Variants in CAMK1D observed in about 807,000 individuals in gnomAD.
CAMK1D encodes calcium/calmodulin-dependent protein kinase type 1D.
CAMK1D carries 9 observed loss-of-function variants against 47.7 expected under a neutral mutation model. That is an observed-to-expected ratio of 0.19 (90% confidence interval 0.11 to 0.33). CAMK1D has a LOEUF of 0.33. CAMK1D is among the 10% of genes least tolerant of loss of function. The probability of loss-of-function intolerance (pLI) is 1.00; values close to 1 mark genes in which losing one functional copy is unlikely to be tolerated. For missense variants in CAMK1D, 291 were observed against 488.7 expected, an observed-to-expected ratio of 0.60 and a Z score of 3.81; for synonymous variants, 184 against 184.9, an observed-to-expected ratio of 0.99 and a Z score of 0.04.
chr10:12,562,995 A>G (rs1231985792), intron 2 of CAMK1D, among the ~76,000 whole-genome samples: 1 of 152,256 alleles, frequency 6.6e-6, no homozygotes, highest in Non-Finnish European at 1.5e-5. Flanking sequence ...CCAAAGAAAC[A>G]GAAGCAATAG....
At chr10:12,422,561 G>A (rs2131970369) in intron 1 of CAMK1D, among the ~76,000 whole-genome samples, 1 of 152,286 alleles carries the variant, frequency 6.6e-6, no homozygotes, top group Admixed American at 6.5e-5. Flanking sequence ...AAGAGGCCTA[G>A]AGCTCTCCCC....
chr10:12,628,769 C>G (rs1442803971), intron 2 of CAMK1D, among the ~76,000 whole-genome samples: 2 of 152,146 alleles, frequency 1.3e-5, no homozygotes, highest in Non-Finnish European at 2.9e-5. Context: ...ATCCTGTTTT[C>G]CACCTGTTCT....
At chr10:12,814,608 C>G (rs1832728190) in intron 7 of CAMK1D, among the ~76,000 whole-genome samples, 1 of 152,172 alleles carries the variant, frequency 6.6e-6, no homozygotes, top group African/African-American at 2.4e-5. Context: ...TCACCATGTC[C>G]TCACATGGCA....
At chr10:12,623,451 T>C (rs796776602) in intron 2 of CAMK1D, among the ~76,000 whole-genome samples, 6,532 of 8,754 alleles carry the variant, frequency 0.75, 2,959 homozygotes, top group Non-Finnish European at 0.84. Context: ...TTTCCTTCCT[T>C]CCTCCCTCCC....
At chr10:12,691,400 TATAAATATATATATATATATA>T (rs1293981168) in intron 3 of CAMK1D, among the ~76,000 whole-genome samples, 79 of 7,536 alleles carry the variant, frequency 0.01, no homozygotes, top group African/African-American at 0.02. Flanking sequence ...TATATATATA[TATAAATATATATATATATATA>T]TTTTTTTTTT....
chr10:12,820,194 C>A (rs925062193), intron 8 of CAMK1D, among the ~76,000 whole-genome samples: 6 of 152,192 alleles, frequency 3.9e-5, no homozygotes, highest in African/African-American at 1.4e-4. Context: ...TGTCCACCAC[C>A]ACATCCAGCT....
At chr10:12,716,801 G>GTGTT (rs1224575069) in intron 3 of CAMK1D, among the ~76,000 whole-genome samples, 3 of 152,092 alleles carry the variant, frequency 2.0e-5, no homozygotes, top group Non-Finnish European at 4.4e-5. Flanking sequence ...GCTTAGCGTG[G>GTGTT]TGTTCACTGC....
At chr10:12,795,816 T>G (rs1287099043) in intron 6 of CAMK1D, among the ~76,000 whole-genome samples, 2 of 152,230 alleles carry the variant, frequency 1.3e-5, no homozygotes, top group Non-Finnish European at 2.9e-5. Context: ...ACCCATGTGA[T>G]GAGTTCTTAT....
chr10:12,537,930 C>A (rs906962071), intron 1 of CAMK1D, among the ~76,000 whole-genome samples: 1 of 152,030 alleles, frequency 6.6e-6, no homozygotes, highest in African/African-American at 2.4e-5. Flanking sequence ...TTCAAGGAAC[C>A]CAGATTATCT....
chr10:12,824,524 G>A lies in CAMK1D; in HGVS notation c.893G>A (p.Arg298Gln), dbSNP rs201893185. Residue 298 changes from arginine to glutamine, a missense_variant, in exon 9 of 11, where the codon CGG becomes CAG. Arg to Gln is a conservative substitution (Grantham distance 43, BLOSUM62 1). This residue lies in a region of CAMK1D where 219 missense variants were observed against 424.3 expected (regional missense o/e 0.52). Transcript: ENST00000619168. ...CACGAGTCCGTCAGCGCCCAGATCC[G>A]GAAAAACTTTGCCAAGAGCAAATGG... is the stretch of plus-strand genomic sequence containing the variant. Reference protein sequence around the residue: ...NIHESVSAQIRKNFAKSKWRQ... With the variant: ...NIHESVSAQIQKNFAKSKWRQ... 16 of 1,613,932 alleles carry A rather than the reference G, an allele frequency of 9.9e-6. No homozygotes were observed. Among genetic ancestry groups the A allele is most frequent in the East Asian group, 4.5e-5 (2 of 44,892 alleles).
At chr10:12,735,345 G>T (rs1430015019) in intron 3 of CAMK1D, among the ~76,000 whole-genome samples, 1 of 152,190 alleles carries the variant, frequency 6.6e-6, no homozygotes, top group African/African-American at 2.4e-5. Context: ...GGGCGTGGTG[G>T]CGGGCGCCTG....
chr10:12,629,206 T>C (rs1839309378), intron 2 of CAMK1D, among the ~76,000 whole-genome samples: 1 of 152,184 alleles, frequency 6.6e-6, no homozygotes, highest in Non-Finnish European at 1.5e-5. Context: ...TATGCAGTAA[T>C]CTTCTTAGAG....
chr10:12,638,187 C>T (rs1011275934), intron 2 of CAMK1D, among the ~76,000 whole-genome samples: 8 of 152,162 alleles, frequency 5.3e-5, no homozygotes, highest in African/African-American at 1.9e-4. Flanking sequence ...TGGGAGGGGC[C>T]AGGCTTCTAG....
chr10:12,405,670 A>T (rs1179658763), intron 1 of CAMK1D, among the ~76,000 whole-genome samples: 1 of 152,248 alleles, frequency 6.6e-6, no homozygotes, highest in East Asian at 1.9e-4. Flanking sequence ...GACAGTCAAC[A>T]GGGTTAGACC....
intron 2 of CAMK1D, among the ~76,000 whole-genome samples, chr10:12,632,755 C>G (rs1839416712): frequency 6.6e-6 from 1 of 152,072 alleles, no homozygotes. Flanking sequence ...ACTGCAGTGG[C>G]ATGATCTCGG....
chr10:12,445,462 G>T (rs1832898956), intron 1 of CAMK1D, among the ~76,000 whole-genome samples: 1 of 152,196 alleles, frequency 6.6e-6, no homozygotes, highest in African/African-American at 2.4e-5. Context: ...ACAGGCCATT[G>T]TCCTGTTTGC....
At chr10:12,367,128 A>T (rs1329934207) in intron 1 of CAMK1D, among the ~76,000 whole-genome samples, 1 of 152,160 alleles carries the variant, frequency 6.6e-6, no homozygotes, top group Non-Finnish European at 1.5e-5. Flanking sequence ...GAAAAAGGGG[A>T]TAAAAAATAT....
In CAMK1D at chr10:12,558,397, T is replaced by C. The variant is rs1836831713; in HGVS notation, c.224+5041T>C. ...GGTGAAACCCCATCTCTATTCAAAC[T>C]ACAAAAATTAGCTGAGCGTTGTGGC... is the stretch of plus-strand genomic sequence containing the variant. On this transcript the variant is annotated intron_variant, in intron 2 of 10. Coordinates refer to ENST00000619168, the MANE Select transcript of CAMK1D (RefSeq NM_153498.4). Among the ~76,000 whole-genome samples, 4 of 152,044 alleles carry C rather than the reference T, an allele frequency of 2.6e-5. No individual in the cohort carries two copies. In the South Asian group the frequency reaches 8.3e-4, roughly 32 times the overall value.
chr10:12,632,509 C>A (rs1367385835), intron 2 of CAMK1D, among the ~76,000 whole-genome samples: 1 of 152,150 alleles, frequency 6.6e-6, no homozygotes, highest in African/African-American at 2.4e-5. Context: ...CAGAATATGA[C>A]CTTTCAGCAT....
Sources: allele counts gnomAD v4.1 joint callset (sites outside exome capture counted in the v4.1 genomes callset), GRCh38; gene constraint gnomAD v4.1.1; regional missense constraint gnomAD v4.1.1; transcripts MANE v1.5; gene names NCBI Gene and HGNC (gene_info 2026-07-23, HGNC 2026-07-21).